PAPPA: variants seen among roughly 807,000 people sequenced by gnomAD.
PAPPA encodes pappalysin-1.
A neutral mutation model predicts 164.0 loss-of-function variants in PAPPA; 60 were observed. The observed-to-expected ratio is 0.37, with a 90% confidence interval of 0.30 to 0.45. The LOEUF (loss-of-function observed/expected upper bound fraction) is 0.45, where lower values mean the gene tolerates loss of function less well. Ranked by LOEUF, PAPPA falls within the 20% of genes least tolerant of loss-of-function variation. The pLI, the probability that PAPPA is intolerant of heterozygous loss-of-function variation, is 1.00. For missense variants in PAPPA, 1,782 were observed against 2,087.3 expected (o/e 0.85, Z 2.85); for synonymous variants, 875 against 814.1 (o/e 1.07, Z -1.27).
rs548958354 is a variant in PAPPA at position 116,229,693 on chromosome 9, C to T, written c.2233+2141C>T. 1.3e-4 allele frequency among the ~76,000 whole-genome samples: 20 copies of T among 152,254 alleles called. No individual in the cohort carries two copies. In the South Asian group the frequency reaches 3.5e-3, roughly 27 times the overall value. Reference sequence around the variant, plus strand: ...AGGGCATGATATATGGTAAGACCTGCATGTCATAAAGATTGCTCAGACTGC... The same window carrying T: ...AGGGCATGATATATGGTAAGACCTGTATGTCATAAAGATTGCTCAGACTGC... On this transcript the variant is annotated intron_variant, in intron 6 of 21. Transcript: ENST00000328252.
At chr9:116,269,918 A>G (rs2118823027) in intron 8 of PAPPA, among the ~76,000 whole-genome samples, 1 of 152,316 alleles carries the variant, frequency 6.6e-6, no homozygotes, top group East Asian at 1.9e-4. Context: ...TGCAGACAGG[A>G]GAGGACTTGG....
chr9:116,211,270 T>C (rs1329774496), intron 3 of PAPPA, among the ~76,000 whole-genome samples: 1 of 152,110 alleles, frequency 6.6e-6, no homozygotes, highest in Non-Finnish European at 1.5e-5. Flanking sequence ...GAAATAAGAG[T>C]AGGCCTTACT....
At position 116,352,803 on chromosome 9, in the gene PAPPA, T is replaced by C. The variant is rs147697691; in HGVS notation, c.4062T>C (p.Asn1354=). The C allele has an allele frequency of 1.2e-6, 2 of 1,613,886 alleles. No individual in the cohort carries two copies. The highest frequency in any genetic ancestry group is 1.3e-5 in the African/African-American group (1 of 74,902). Residue 1354 remains asparagine (N), a synonymous_variant, in exon 16 of 22, where the codon AAT becomes AAC. Transcript: ENST00000328252. The part of the protein sequence containing the change: ...LMCLAPPPVP[N]ADLQTARCRE... Reference sequence around the variant, plus strand: ...GCCTCGCTCCACCCCCTGTGCCCAATGCAGACCTCCAGACCGCCCGGTGCC... The same window carrying C: ...GCCTCGCTCCACCCCCTGTGCCCAACGCAGACCTCCAGACCGCCCGGTGCC...
intron 21 of PAPPA, among the ~76,000 whole-genome samples, chr9:116,396,058 T>C (rs1846958452): frequency 6.6e-6 from 1 of 152,208 alleles, no homozygotes; most frequent in South Asian, 2.1e-4. Context: ...GTGGGTCTTA[T>C]TATATCAGCT....
At chr9:116,358,280 T>C (rs1846379162) in intron 17 of PAPPA, among the ~76,000 whole-genome samples, 1 of 152,176 alleles carries the variant, frequency 6.6e-6, no homozygotes, top group African/African-American at 2.4e-5. Context: ...CAATTCACAC[T>C]TTCCACTCAT....
intron 9 of PAPPA, among the ~76,000 whole-genome samples, chr9:116,272,462 G>T (rs956496068): frequency 6.6e-6 from 1 of 152,208 alleles, no homozygotes; most frequent in Non-Finnish European, 1.5e-5. Context: ...TTACAGGGGT[G>T]CATTTAGACA....
intron 10 of PAPPA, among the ~76,000 whole-genome samples, chr9:116,303,748 C>A (rs1468783453): frequency 6.6e-6 from 1 of 152,166 alleles, no homozygotes; most frequent in African/African-American, 2.4e-5. Flanking sequence ...CCAGGCATTC[C>A]TTTCCAATAT....
chr9:116,239,057 A>G (rs753131639), intron 7 of PAPPA, among the ~76,000 whole-genome samples: 2 of 152,198 alleles, frequency 1.3e-5, no homozygotes, highest in Non-Finnish European at 2.9e-5. Flanking sequence ...GACTCAACCC[A>G]TTACATGATT....
chr9:116,240,434 T>A (rs1486467592), intron 7 of PAPPA, among the ~76,000 whole-genome samples: 2 of 152,172 alleles, frequency 1.3e-5, no homozygotes, highest in African/African-American at 4.8e-5. Flanking sequence ...GGGCTAGATT[T>A]TTTTCCTGTT....
At chr9:116,324,774 A>G (rs1845901287) in intron 10 of PAPPA, among the ~76,000 whole-genome samples, 1 of 152,170 alleles carries the variant, frequency 6.6e-6, no homozygotes, top group African/African-American at 2.4e-5. Flanking sequence ...GGGCTCCAGC[A>G]TCATGGAGGG....
At chr9:116,249,222 G>A (rs552864681) in intron 7 of PAPPA, among the ~76,000 whole-genome samples, 1 of 152,274 alleles carries the variant, frequency 6.6e-6, no homozygotes, top group East Asian at 1.9e-4. Context: ...GAAGCACATG[G>A]GCTAAGAGCT....
Position 116,398,574 on chromosome 9 carries a change from G to GAAGACATC in PAPPA, c.*1959_*1966dup, listed in dbSNP as rs1334344566. 1 of 1,279,524 alleles carries GAAGACATC rather than the reference G, an allele frequency of 7.8e-7. No individual in the cohort carries two copies. Among genetic ancestry groups the GAAGACATC allele is most frequent in the Admixed American group, 2.3e-5 (1 of 43,494 alleles). 79.3% of individuals were successfully genotyped at this position (1,279,524 alleles called of 1,614,324 possible). Reference sequence around the variant, plus strand: ...TGACCTGGTGATCAAAAACACTTGAGAAGACATCTATTGGCCATCTCTGGC... The same window carrying GAAGACATC: ...TGACCTGGTGATCAAAAACACTTGAGAAGACATCAAGACATCTATTGGCCATCTCTGGC... On this transcript the variant is annotated 3_prime_UTR_variant, in exon 22 of 22. Coordinates refer to ENST00000328252, the MANE Select transcript of PAPPA (RefSeq NM_002581.5).
intron 1 of PAPPA, among the ~76,000 whole-genome samples, chr9:116,180,641 G>A (rs558001529): frequency 2.0e-5 from 3 of 151,974 alleles, no homozygotes; most frequent in African/African-American, 4.8e-5. Flanking sequence ...ACAATAATAC[G>A]AATTGCATAT....
At chr9:116,173,105 C>A (rs1385058603) in intron 1 of PAPPA, among the ~76,000 whole-genome samples, 1 of 152,100 alleles carries the variant, frequency 6.6e-6, no homozygotes, top group Non-Finnish European at 1.5e-5. Context: ...CAGCTAGAGA[C>A]CAGGATCAAG....
chr9:116,374,424 C>G (rs75344606), intron 19 of PAPPA, among the ~76,000 whole-genome samples: 2 of 152,176 alleles, frequency 1.3e-5, no homozygotes, highest in Non-Finnish European at 2.9e-5. Flanking sequence ...CTCCTGTAAA[C>G]AGCCTAGCCA....
intron 1 of PAPPA, among the ~76,000 whole-genome samples, chr9:116,159,143 G>A (rs1444135805): frequency 6.6e-6 from 1 of 152,202 alleles, no homozygotes; most frequent in Non-Finnish European, 1.5e-5. Context: ...AGACAGGCTT[G>A]GAATTTCTCT....
chr9:116,256,867 CCT>C (rs1844934052), intron 7 of PAPPA, among the ~76,000 whole-genome samples: 1 of 151,388 alleles, frequency 6.6e-6, no homozygotes, highest in Non-Finnish European at 1.5e-5. Flanking sequence ...TGTATAGAAC[CCT>C]GATACAGAAC....
rs777643727 is a variant in PAPPA, at chr9:116,400,110, A to ACTT, written c.*3496_*3498dup. Reference sequence around the variant, plus strand: ...AGGTTTTGTGTTTTTTTCTGGAACTACTTCAAGTGAGAAAATAAAAAAAAA... The same window carrying ACTT: ...AGGTTTTGTGTTTTTTTCTGGAACTACTTCTTCAAGTGAGAAAATAAAAAAAAA... On this transcript the variant is annotated 3_prime_UTR_variant, in exon 22 of 22. Coordinates refer to ENST00000328252, the MANE Select transcript of PAPPA (RefSeq NM_002581.5). 1.3e-5 allele frequency: 2 copies of ACTT among 152,588 alleles called. No individual in the cohort carries two copies. Among genetic ancestry groups the ACTT allele is most frequent in the Non-Finnish European group, 2.9e-5 (2 of 68,042 alleles). The allele number at this position is 152,588 out of a possible 1,614,324, so 9.5% of individuals were successfully genotyped here.
intron 7 of PAPPA, among the ~76,000 whole-genome samples, chr9:116,255,204 C>T (rs985519639): frequency 1.1e-4 from 16 of 151,862 alleles, no homozygotes; most frequent in African/African-American, 3.4e-4. Context: ...CTAGGGTGTG[C>T]CCATCCAAAA....
Sources: gnomAD v4.1 joint callset for allele counts (sites outside exome capture counted in the v4.1 genomes callset) on GRCh38, gnomAD v4.1.1 for gene constraint, MANE v1.5 for transcripts, NCBI Gene and HGNC (gene_info 2026-07-23, HGNC 2026-07-21) for gene names.